SPAG16: variants seen among roughly 807,000 people sequenced by gnomAD.
SPAG16 encodes sperm associated antigen 16.
Under a neutral mutation model 80.4 loss-of-function variants are expected in SPAG16, and 86 were observed. That is an observed-to-expected ratio of 1.07 (90% CI 0.90 to 1.28). The LOEUF is 1.28. SPAG16 is among the 50% of genes most tolerant of loss of function. SPAG16 has a pLI of 0.00. For synonymous variants in SPAG16, 294 were observed against 265.9 expected, an observed-to-expected ratio of 1.11 and a Z score of -1.03; for missense variants, 870 against 765.3, an observed-to-expected ratio of 1.14 and a Z score of -1.61.
intron 8 of SPAG16, among the ~76,000 whole-genome samples, chr2:213,372,524 C>T (rs1373149460): frequency 6.6e-6 from 1 of 152,048 alleles, no homozygotes; most frequent in Non-Finnish European, 1.5e-5. Flanking sequence ...TGTTGCTGCT[C>T]AGAATTGCAT....
intron 10 of SPAG16, among the ~76,000 whole-genome samples, chr2:213,628,114 A>G (rs139076169): frequency 2.1e-4 from 32 of 152,282 alleles, no homozygotes; most frequent in African/African-American, 7.7e-4. Flanking sequence ...ACTAGCTTGA[A>G]ATTTCATCTC....
intron 10 of SPAG16, among the ~76,000 whole-genome samples, chr2:213,731,765 T>C (rs976345402): frequency 2.6e-5 from 4 of 152,204 alleles, no homozygotes; most frequent in African/African-American, 9.7e-5. Context: ...TCCAGCTCCA[T>C]CCATGTCCCT....
intron 10 of SPAG16, among the ~76,000 whole-genome samples, chr2:213,579,290 G>A (rs2124838889): frequency 6.6e-6 from 1 of 152,264 alleles, no homozygotes. Flanking sequence ...TGATTCCAAA[G>A]GGTGATGGCA....
intron 12 of SPAG16, among the ~76,000 whole-genome samples, chr2:213,969,296 A>T (rs114300142): frequency 0.025 from 3,764 of 152,300 alleles, 147 homozygotes; most frequent in African/African-American, 0.082. Flanking sequence ...TGGCTGGTTG[A>T]TACCTATGAC....
chr2:213,772,503 G>A (rs916724575), intron 10 of SPAG16, among the ~76,000 whole-genome samples: 1 of 151,934 alleles, frequency 6.6e-6, no homozygotes, highest in South Asian at 2.1e-4. Context: ...TTTAATTTTA[G>A]CTTTTATGTT....
chr2:214,287,193 C>T (rs1693429206), intron 15 of SPAG16, among the ~76,000 whole-genome samples: 2 of 152,102 alleles, frequency 1.3e-5, no homozygotes, highest in Non-Finnish European at 1.5e-5. Flanking sequence ...TGATTATATC[C>T]ACTGAAATGT....
At chr2:213,533,449 G>A (rs1007015616) in intron 10 of SPAG16, among the ~76,000 whole-genome samples, 1 of 152,118 alleles carries the variant, frequency 6.6e-6, no homozygotes, top group African/African-American at 2.4e-5. Context: ...CCTTCCTTGG[G>A]TTGTGAGACA....
chr2:213,769,041 G>C (rs1232562370), intron 10 of SPAG16, among the ~76,000 whole-genome samples: 4 of 152,094 alleles, frequency 2.6e-5, no homozygotes, highest in African/African-American at 7.2e-5. Flanking sequence ...ATTATAAAAA[G>C]GGTGAGGTCA....
chr2:213,736,799 G>A (rs1357011375), intron 10 of SPAG16, among the ~76,000 whole-genome samples: 3 of 149,630 alleles, frequency 2.0e-5, no homozygotes, highest in Non-Finnish European at 4.4e-5. Context: ...CTGCCTCCTC[G>A]GTTCAAGTGA....
In SPAG16 at chr2:213,999,818, G is replaced by C. The variant is rs1229896600; in HGVS notation, c.1401-14133G>C. On this transcript the variant is annotated intron_variant, in intron 12 of 15. Transcript: ENST00000331683. Reference sequence around the variant, plus strand: ...TGGAGTCAAAGGACATTATTTTGGAGCTTTAAAATTTGACTGCCTCACTGG... The same window carrying C: ...TGGAGTCAAAGGACATTATTTTGGACCTTTAAAATTTGACTGCCTCACTGG... Among the ~76,000 whole-genome samples, 6 of 152,340 alleles carry C rather than the reference G, an allele frequency of 3.9e-5. 1 individual carries two copies. The South Asian group carries it at 6.2e-4, about 16-fold the overall frequency.
chr2:213,911,922 ATGAACACAATT>A (rs1206526288), intron 11 of SPAG16, among the ~76,000 whole-genome samples: 1 of 152,026 alleles, frequency 6.6e-6, no homozygotes, highest in Admixed American at 6.6e-5. Context: ...CCATGAAGAG[ATGAACACAATT>A]TGAATATGCA....
At chr2:214,017,599 C>T (rs949920507) in intron 13 of SPAG16, among the ~76,000 whole-genome samples, 2 of 152,112 alleles carry the variant, frequency 1.3e-5, no homozygotes, top group Non-Finnish European at 2.9e-5. Flanking sequence ...TGAATGCATA[C>T]AGCTGTTTAT....
chr2:213,827,232 A>T (rs1243060180), intron 10 of SPAG16, among the ~76,000 whole-genome samples: 1 of 151,702 alleles, frequency 6.6e-6, no homozygotes, highest in Non-Finnish European at 1.5e-5. Context: ...TTTGTTGTCT[A>T]GTTGTTTCAT....
chr2:214,094,227 C>T (rs1459558319), intron 13 of SPAG16, among the ~76,000 whole-genome samples: 2 of 151,884 alleles, frequency 1.3e-5, no homozygotes, highest in African/African-American at 4.8e-5. Context: ...TTTAAGAAAA[C>T]AAAAAAACCT....
intron 9 of SPAG16, among the ~76,000 whole-genome samples, chr2:213,448,963 G>T (rs2071520799): frequency 6.6e-6 from 1 of 152,156 alleles, no homozygotes; most frequent in South Asian, 2.1e-4. Flanking sequence ...CGGGCAAAAA[G>T]GGCCATATTT....
intron 15 of SPAG16, among the ~76,000 whole-genome samples, chr2:214,348,960 C>G (rs1040712164): frequency 3.3e-5 from 5 of 151,916 alleles, no homozygotes; most frequent in African/African-American, 1.2e-4. Context: ...ATACGGTCAT[C>G]TTTATTTTTT....
intron 12 of SPAG16, among the ~76,000 whole-genome samples, chr2:213,934,923 C>T (rs1247709740): frequency 6.6e-6 from 1 of 152,150 alleles, no homozygotes; most frequent in African/African-American, 2.4e-5. Flanking sequence ...CACTTCCAGG[C>T]CTGGTGCGGT....
intron 15 of SPAG16, among the ~76,000 whole-genome samples, chr2:214,197,608 A>G (rs2057880394): frequency 6.6e-6 from 1 of 151,984 alleles, no homozygotes; most frequent in South Asian, 2.1e-4. Flanking sequence ...TTGCAAATAA[A>G]ATATTATTGG....
chr2:214,294,834 C>T (rs918959840), intron 15 of SPAG16, among the ~76,000 whole-genome samples: 1 of 152,180 alleles, frequency 6.6e-6, no homozygotes, highest in Non-Finnish European at 1.5e-5. Flanking sequence ...TAATGCCTCT[C>T]CCAATATGTT....
Sources: allele counts gnomAD v4.1 joint callset (sites outside exome capture counted in the v4.1 genomes callset), GRCh38; gene constraint gnomAD v4.1.1; transcripts MANE v1.5; gene names NCBI Gene and HGNC (gene_info 2026-07-23, HGNC 2026-07-21).